Variants in DEPDC7 observed in about 807,000 individuals in gnomAD.
DEPDC7 encodes the protein DEP domain-containing protein 7.
In DEPDC7, 41 loss-of-function variants were observed where a neutral mutation model predicts 56.6. The ratio of observed to expected loss-of-function variants is 0.72; its 90% CI spans 0.56 to 0.94. The LOEUF (loss-of-function observed/expected upper bound fraction) is 0.94. DEPDC7 is among the 40% of genes least tolerant of loss of function. The probability of loss-of-function intolerance (pLI) is 0.00; values close to 1 mark genes in which losing one functional copy is unlikely to be tolerated. For missense variants in DEPDC7, 522 were observed against 596.3 expected, an observed-to-expected ratio of 0.88 and a Z score of 1.30; for synonymous variants, 185 against 208.8, an observed-to-expected ratio of 0.89 and a Z score of 0.98.
chr11:33,024,679 T>A (rs1853558850), intron 1 of DEPDC7, among the ~76,000 whole-genome samples: 1 of 152,168 alleles, frequency 6.6e-6, no homozygotes, highest in South Asian at 2.1e-4. Context: ...CTTGTGTATC[T>A]AAACATAGAA....
intron 1 of DEPDC7, chr11:33,016,483 C>G (rs761212330): frequency 3.7e-5 from 59 of 1,609,622 alleles, no homozygotes; most frequent in Non-Finnish European, 4.7e-5. Context: ...CCACTTTGTT[C>G]TCCAGACTGC....
At chr11:33,016,443 G>A in intron 1 of DEPDC7, 1 of 1,578,996 alleles carries the variant, frequency 6.3e-7, no homozygotes, top group Non-Finnish European at 8.6e-7. Flanking sequence ...TGACGACACA[G>A]TATGGCCAGG....
intron 4 of DEPDC7, among the ~76,000 whole-genome samples, chr11:33,030,139 T>C (rs1233899132): frequency 2.0e-5 from 3 of 152,192 alleles, no homozygotes; most frequent in Non-Finnish European, 4.4e-5. Flanking sequence ...TTTGTATTTT[T>C]AGTAGAGATG....
intron 8 of DEPDC7, 35 bp downstream of exon 8, chr11:33,033,002 A>G (rs1434664667): frequency 6.7e-7 from 1 of 1,482,560 alleles, no homozygotes; most frequent in Non-Finnish European, 9.2e-7. Flanking sequence ...TGATCTTCCA[A>G]AGACAAATTT....
Position 33,032,833 on chromosome 11 carries a change from G to A in DEPDC7, c.1263+40G>A, listed in dbSNP as rs758475295. On this transcript the variant is annotated intron_variant, in intron 7 of 8. Transcript: ENST00000241051. ...GTAGTTAAATTGAGCTTATGTAATA[G>A]ATCACTAGATTAAAATGCATTTGAA... 5.1e-6 allele frequency: 8 copies of A among 1,584,040 alleles called. No homozygotes were observed. The Admixed American group carries it at 1.1e-4, about 22-fold the overall frequency.
At chr11:33,032,865 C>A in intron 7 of DEPDC7, 24 bp from the exon 8 acceptor site, 1 of 1,588,306 alleles carries the variant, frequency 6.3e-7, no homozygotes, top group Non-Finnish European at 8.6e-7. Context: ...TGAATAATGT[C>A]CCATGTCCCT....
At chr11:33,026,876 T>A (rs1483750067) in intron 2 of DEPDC7, among the ~76,000 whole-genome samples, 1 of 152,110 alleles carries the variant, frequency 6.6e-6, no homozygotes, top group African/African-American at 2.4e-5. Flanking sequence ...GATCCTCCCA[T>A]CTTGTGCTCC....
chr11:33,022,015 G>A (rs1357827501), intron 1 of DEPDC7, among the ~76,000 whole-genome samples: 1 of 152,144 alleles, frequency 6.6e-6, no homozygotes. Context: ...ACTCAGCCTT[G>A]TCATTTAGGA....
chr11:33,018,187 A>G (rs1254451143), intron 1 of DEPDC7, among the ~76,000 whole-genome samples: 1 of 152,254 alleles, frequency 6.6e-6, no homozygotes, highest in Non-Finnish European at 1.5e-5. Context: ...ACCAATATCC[A>G]GTAAAAGTGT....
Position 33,031,409 on chromosome 11 carries a change from T to C in DEPDC7, c.814T>C (p.Cys272Arg). 1 of 1,614,202 alleles carries C rather than the reference T, an allele frequency of 6.2e-7. No homozygotes were observed. The highest frequency in any genetic ancestry group is 1.1e-5 in the South Asian group (1 of 91,084). Residue 272 changes from cysteine (C) to arginine (R), a missense_variant, in exon 5 of 9, where the codon TGT (cysteine) becomes CGT (arginine). Physicochemically the swap from Cys to Arg is radical, Grantham distance 180 (BLOSUM62 -3). Transcript: ENST00000241051. ...TGAGTGGCTCTCGGCAGCAATTGAC[T>C]GTTTAGAATACCTTCCAGACCAAAT... is the stretch of plus-strand genomic sequence containing the variant. ...EDEWLSAAID[C>R]LEYLPDQMVV...
chr11:33,026,051 T>C lies in DEPDC7; in HGVS notation c.464+2T>C. Reference sequence around the variant, plus strand: ...GAACAAACTATATTCACCTGCCAGGTTGGTATATAATGTTAGATTATCACG... The same window carrying C: ...GAACAAACTATATTCACCTGCCAGGCTGGTATATAATGTTAGATTATCACG... On this transcript the variant is annotated splice_donor_variant, in intron 2 of 8. Transcript: ENST00000241051. LOFTEE classifies it high-confidence loss of function. 2 of 1,613,760 alleles carry C rather than the reference T, an allele frequency of 1.2e-6. No homozygotes were observed. Among genetic ancestry groups the C allele is most frequent in the Non-Finnish European group, 1.7e-6 (2 of 1,179,946 alleles).
chr11:33,019,407 T>C (rs923464168), intron 1 of DEPDC7, among the ~76,000 whole-genome samples: 3 of 152,110 alleles, frequency 2.0e-5, no homozygotes, highest in Non-Finnish European at 4.4e-5. Context: ...GGCTCACACC[T>C]GTAATGCCAG....
intron 1 of DEPDC7, chr11:33,016,632 G>A (rs372349701): frequency 8.2e-6 from 13 of 1,595,038 alleles, no homozygotes; most frequent in Non-Finnish European, 1.1e-5. Flanking sequence ...GTGAATAGAA[G>A]TTTTTGGCTA....
rs1429112142 is a variant in DEPDC7, at chr11:33,032,873, CCTT to C, written c.1264-12_1264-10del. The C allele has an allele frequency of 6.3e-7, 1 of 1,593,662 alleles. No homozygotes were observed. The highest frequency in any genetic ancestry group is 1.4e-5 in the African/African-American group (1 of 74,036). On this transcript the variant is annotated splice_polypyrimidine_tract_variant and intron_variant, in intron 7 of 8. Transcript: ENST00000241051. The stretch of plus-strand genomic sequence containing the variant: ...ATGCATTTGAATAATGTCCCATGTC[CCTT>C]CTTTTTCTTAAGATTCCTGGAACTC...
chr11:33,027,861 G>C (rs1197460042), intron 3 of DEPDC7, 48 bp downstream of exon 3: 3 of 1,468,438 alleles, frequency 2.0e-6, no homozygotes, highest in East Asian at 5.4e-5. Flanking sequence ...AAACTTCAAA[G>C]TTATTTAAAA....
In DEPDC7 at chr11:33,025,885, A is replaced by G; in HGVS notation, c.300A>G (p.Gln100=). Residue 100 remains glutamine, a synonymous_variant, in exon 2 of 9, where the codon CAA becomes CAG. Coordinates refer to ENST00000241051, the MANE Select transcript of DEPDC7 (RefSeq NM_001077242.2). Reference sequence around the variant, plus strand: ...GAGCCAAAGTGGTGAGAGTGTGTCAAGCGCTTATGGACTACAAAGTATTTG... The same window carrying G: ...GAGCCAAAGTGGTGAGAGTGTGTCAGGCGCTTATGGACTACAAAGTATTTG... ...IPRAKVVRVC[Q]ALMDYKVFEA... is the part of the protein sequence containing the mutation. 1 of 1,614,212 alleles carries G rather than the reference A, an allele frequency of 6.2e-7. No individual in the cohort carries two copies. The highest frequency in any genetic ancestry group is 1.1e-5 in the South Asian group (1 of 91,088).
In DEPDC7 at chr11:33,032,799, A is replaced by G; in HGVS notation, c.1263+6A>G. 1 of 1,597,368 alleles carries G rather than the reference A, an allele frequency of 6.3e-7. No individual in the cohort carries two copies. The highest frequency in any genetic ancestry group is 8.5e-7 in the Non-Finnish European group (1 of 1,174,620). ...ATCAGAAAGATGTTTTTAAGGTAAAATTGTGAAAGTAGTTAAATTGAGCTT... is the reference window on the plus strand; with the variant it reads ...ATCAGAAAGATGTTTTTAAGGTAAAGTTGTGAAAGTAGTTAAATTGAGCTT... On this transcript the variant is annotated splice_donor_region_variant and intron_variant, in intron 7 of 8. Transcript: ENST00000241051.
At position 33,033,286 on chromosome 11, in the gene DEPDC7, A is replaced by T; in HGVS notation, c.1367A>T (p.Asp456Val). 1 of 1,596,974 alleles carries T rather than the reference A, an allele frequency of 6.3e-7. No homozygotes were observed. The highest frequency in any genetic ancestry group is 8.5e-7 in the Non-Finnish European group (1 of 1,175,440). The change falls in exon 9 of 9, where the codon GAT (aspartate) becomes GTT (valine). Residue 456 changes from aspartate to valine, a missense_variant. Coordinates refer to ENST00000241051, the MANE Select transcript of DEPDC7 (RefSeq NM_001077242.2). ...DAGYIYCQRI[D>V]QRDYSNNTEK... ...GGATATATTTATTGCCAGAGAATTGATCAACGTGACTATTCCAACAATACA... is the reference window on the plus strand; with the variant it reads ...GGATATATTTATTGCCAGAGAATTGTTCAACGTGACTATTCCAACAATACA...
intron 1 of DEPDC7, among the ~76,000 whole-genome samples, chr11:33,019,188 C>T (rs1398523812): frequency 6.6e-6 from 1 of 152,122 alleles, no homozygotes; most frequent in Non-Finnish European, 1.5e-5. Flanking sequence ...TTAACCTTGG[C>T]ACTACTGACG....
Sources: allele counts gnomAD v4.1 joint callset (sites outside exome capture counted in the v4.1 genomes callset), GRCh38; gene constraint gnomAD v4.1.1; transcripts MANE v1.5; gene names NCBI Gene and HGNC (gene_info 2026-07-23, HGNC 2026-07-21).